MID1: variants seen among roughly 807,000 people sequenced by gnomAD.
The protein encoded by MID1 is E3 ubiquitin-protein ligase Midline-1.
MID1 carries 7 observed loss-of-function variants against 40.4 expected under a neutral mutation model. The observed-to-expected ratio is 0.17, with a 90% CI of 0.10 to 0.33. The LOEUF (loss-of-function observed/expected upper bound fraction) is 0.33. Ranked by LOEUF, MID1 falls within the 10% of genes least tolerant of loss-of-function variation. The probability of loss-of-function intolerance (pLI) is 1.00; values close to 1 mark genes in which losing one functional copy is unlikely to be tolerated. For synonymous variants in MID1, 229 were observed against 221.2 expected (o/e 1.04, Z -0.31); for missense variants, 367 against 558.5 (o/e 0.66, Z 3.46).
intron 2 of MID1, among the ~76,000 whole-genome samples, chrX:10,543,867 G>A (rs1380453267): frequency 9.1e-6 from 1 of 109,321 alleles, no homozygotes; most frequent in Non-Finnish European, 1.9e-5. Context: ...TTAGCCAGGT[G>A]TGTTGGCATG....
At chrX:10,548,740 T>C (rs1330223175) in intron 2 of MID1, among the ~76,000 whole-genome samples, 1 of 110,669 alleles carries the variant, frequency 9.0e-6, no homozygotes, top group African/African-American at 3.4e-5. Context: ...ACCAAACACA[T>C]AACTCTCCAC....
chrX:10,752,958 C>T (rs1721366275), intron 1 of MID1, among the ~76,000 whole-genome samples: 1 of 112,248 alleles, frequency 8.9e-6, no homozygotes, highest in African/African-American at 3.2e-5. Flanking sequence ...CCCTCCTCCT[C>T]GGGAAGTCCT....
chrX:10,654,489 C>T (rs759162941), intron 1 of MID1, among the ~76,000 whole-genome samples: 6 of 111,695 alleles, frequency 5.4e-5, no homozygotes, highest in Admixed American at 9.5e-5. Flanking sequence ...GATCATCAAG[C>T]GTTAGATTAC....
intron 1 of MID1, among the ~76,000 whole-genome samples, chrX:10,718,419 C>T (rs1285561618): frequency 8.9e-6 from 1 of 112,024 alleles, no homozygotes; most frequent in Non-Finnish European, 1.9e-5. Context: ...CTACAAACAC[C>T]TCTATGCAAA....
intron 3 of MID1, among the ~76,000 whole-genome samples, chrX:10,511,970 T>C (rs1346479950): frequency 8.9e-6 from 1 of 112,410 alleles, no homozygotes; most frequent in Non-Finnish European, 1.9e-5. Context: ...GTCATGTCAG[T>C]GCTGAAAAAG....
intron 2 of MID1, among the ~76,000 whole-genome samples, chrX:10,550,630 C>T (rs1933869786): frequency 8.9e-6 from 1 of 112,048 alleles, no homozygotes; most frequent in Non-Finnish European, 1.9e-5. Context: ...AAGTAAATGT[C>T]TGTAAGAGTA....
intron 1 of MID1, among the ~76,000 whole-genome samples, chrX:10,810,769 T>C: frequency 9.1e-6 from 1 of 109,840 alleles, no homozygotes; most frequent in Middle Eastern, 4.7e-3. Flanking sequence ...TAGCTCATTG[T>C]GGGCTTGTTT....
intron 1 of MID1, among the ~76,000 whole-genome samples, chrX:10,763,851 C>G (rs767499206): frequency 8.9e-6 from 1 of 111,857 alleles, no homozygotes; most frequent in African/African-American, 3.3e-5. Flanking sequence ...TTTGAATGAT[C>G]GCCATTCTAA....
intron 1 of MID1, among the ~76,000 whole-genome samples, chrX:10,677,099 T>C (rs917213421): frequency 1.8e-5 from 2 of 111,845 alleles, no homozygotes; most frequent in Admixed American, 9.5e-5. Flanking sequence ...TTTTAACTTA[T>C]CCAAAAGCTG....
intron 1 of MID1, among the ~76,000 whole-genome samples, chrX:10,699,782 A>G (rs981139160): frequency 9.0e-6 from 1 of 111,222 alleles, no homozygotes; most frequent in Non-Finnish European, 1.9e-5. Flanking sequence ...CAGTTTTTAG[A>G]TAGACACTTG....
intron 1 of MID1, among the ~76,000 whole-genome samples, chrX:10,764,806 A>C (rs1380320736): frequency 8.9e-6 from 1 of 111,992 alleles, no homozygotes; most frequent in Non-Finnish European, 1.9e-5. Flanking sequence ...ACCTATTTGC[A>C]TGCTATGCCA....
intron 1 of MID1, among the ~76,000 whole-genome samples, chrX:10,688,963 G>A (rs944339228): frequency 2.7e-5 from 3 of 109,571 alleles, no homozygotes; most frequent in Non-Finnish European, 5.7e-5. Context: ...ATCTTATTTG[G>A]TGGATGGATG....
At chrX:10,534,177 T>A (rs188534233) in intron 2 of MID1, among the ~76,000 whole-genome samples, 7 of 111,674 alleles carry the variant, frequency 6.3e-5, no homozygotes. Context: ...TGAATAATTT[T>A]GATCTTATCC....
chrX:10,608,230 T>A (rs776820320), intron 1 of MID1, among the ~76,000 whole-genome samples: 2 of 112,247 alleles, frequency 1.8e-5, no homozygotes, highest in East Asian at 5.6e-4. Context: ...ACTTGCCATA[T>A]GACCCAGCAA....
At chrX:10,648,163 G>A (rs757849279) in intron 1 of MID1, among the ~76,000 whole-genome samples, 4 of 111,861 alleles carry the variant, frequency 3.6e-5, no homozygotes, top group South Asian at 3.8e-4. Flanking sequence ...ATGTATTTTC[G>A]TAGCTATGGT....
chrX:10,601,767 C>T (rs1935524479), intron 1 of MID1, among the ~76,000 whole-genome samples: 1 of 110,687 alleles, frequency 9.0e-6, no homozygotes, highest in African/African-American at 3.3e-5. Flanking sequence ...ATTTTTTTTT[C>T]CAATTATTGG....
intron 1 of MID1, among the ~76,000 whole-genome samples, chrX:10,585,952 T>G (rs896305588): frequency 9.0e-6 from 1 of 111,599 alleles, no homozygotes; most frequent in African/African-American, 3.3e-5. Context: ...TTGTTTTGTT[T>G]TGGCTAACAC....
intron 1 of MID1, among the ~76,000 whole-genome samples, chrX:10,600,588 A>G (rs1341325175): frequency 9.0e-6 from 1 of 111,317 alleles, no homozygotes; most frequent in East Asian, 2.8e-4. Context: ...CATATTTCCA[A>G]CTGTTTTCTT....
rs61382997 is a variant in MID1, at chrX:10,592,171, A to G, written c.-56-24568T>C. Among the ~76,000 whole-genome samples, 928 of 98,919 alleles carry G rather than the reference A, an allele frequency of 9.4e-3. 10 individuals are homozygous for G. The highest frequency in any genetic ancestry group is 0.031 in the African/African-American group (845 of 26,835). 85.9% of individuals were successfully genotyped at this position (98,919 alleles called of 115,157 possible). On this transcript the variant is annotated intron_variant, in intron 1 of 9. Transcript: ENST00000317552. The stretch of plus-strand genomic sequence containing the variant: ...GGTGTGTGTGTGTGTGTGTGTGTGT[A>G]TATGTGTGTGTGTCCATTAAAAAAA...
Sources: allele counts gnomAD v4.1 joint callset (sites outside exome capture counted in the v4.1 genomes callset), GRCh38; gene constraint gnomAD v4.1.1; transcripts MANE v1.5; gene names NCBI Gene and HGNC (gene_info 2026-07-23, HGNC 2026-07-21).